The following E4F1 variants were observed in gnomAD, a reference collection of about 807,000 sequenced individuals.
The protein encoded by E4F1 is E4F transcription factor 1, also known as transcription factor E4F1.
Under a neutral mutation model 72.9 loss-of-function variants are expected in E4F1, and 30 were observed. The observed-to-expected ratio is 0.41, with a 90% CI of 0.31 to 0.56. The LOEUF (loss-of-function observed/expected upper bound fraction) is 0.56. Among genes scored for constraint, E4F1 ranks in the 20% least tolerant of loss-of-function variants. The pLI, the probability that E4F1 is intolerant of heterozygous loss-of-function variation, is 0.25. For synonymous variants in E4F1, 542 were observed against 478.2 expected, an observed-to-expected ratio of 1.13 and a Z score of -1.74; for missense variants, 1,091 against 1,117.5, an observed-to-expected ratio of 0.98 and a Z score of 0.34.
intron 9 of E4F1, 45 bp from the exon 10 acceptor site, chr16:2,234,126 G>A (rs766330975): frequency 2.1e-5 from 33 of 1,597,192 alleles, no homozygotes; most frequent in Non-Finnish European, 2.8e-5. Context: ...CGGCCTGGCG[G>A]GCCCGCGGGT....
In E4F1 at chr16:2,233,982, G is replaced by C. The variant is rs929296120; in HGVS notation, c.1367G>C (p.Gly456Ala). The C allele has an allele frequency of 6.3e-7, 1 of 1,592,030 alleles. No individual in the cohort carries two copies. The highest frequency in any genetic ancestry group is 1.3e-5 in the African/African-American group (1 of 74,542). ...TAATLEAHKRGHTGPRPFACA... is the reference protein window; with the variant it reads ...TAATLEAHKRAHTGPRPFACA... Reference sequence around the variant, plus strand: ...GCCACCCTGGAGGCCCACAAGAGGGGCCACACCGGTAGGTGATGGGTGGGT... The same window carrying C: ...GCCACCCTGGAGGCCCACAAGAGGGCCCACACCGGTAGGTGATGGGTGGGT... Residue 456 changes from glycine to alanine, a missense_variant, in exon 9 of 14, where the codon GGC becomes GCC. Gly to Ala is a moderately conservative substitution (Grantham distance 60). Transcript: ENST00000301727.
In E4F1 at chr16:2,233,590, G is replaced by T; in HGVS notation, c.1209G>T (p.Gln403His). ...CTCCTGCTGCCGGGTCCAGTCCCCA[G>T]CCCCTGGCAGTGGCAGCCCCGCAGC... is the stretch of plus-strand genomic sequence containing the variant. ...EPAPAAGSSP[Q>H]PLAVAAPQLP... Residue 403 changes from glutamine to histidine, a missense_variant, in exon 8 of 14, where the codon CAG becomes CAT. Gln to His is a conservative substitution (Grantham distance 24). Transcript: ENST00000301727. The T allele has an allele frequency of 1.3e-6, 2 of 1,510,004 alleles. No individual in the cohort carries two copies. The highest frequency in any genetic ancestry group is 1.8e-6 in the Non-Finnish European group (2 of 1,128,098). 93.5% of individuals were successfully genotyped at this position (1,510,004 alleles called of 1,614,324 possible).
intron 10 of E4F1, 95 bp downstream of exon 10, chr16:2,234,483 T>A: frequency 6.4e-7 from 1 of 1,568,178 alleles, no homozygotes; most frequent in Non-Finnish European, 8.7e-7. Flanking sequence ...TCCACCATGC[T>A]CAGTCTTGAC....
intron 3 of E4F1, chr16:2,231,786 G>A (rs1424269270): frequency 1.4e-5 from 3 of 206,898 alleles, no homozygotes; most frequent in Non-Finnish European, 3.0e-5. Flanking sequence ...ATGTTGGTGG[G>A]AGCAGTGGCA....
intron 1 of E4F1, among the ~76,000 whole-genome samples, chr16:2,225,475 CTTT>C (rs34243234): frequency 7.3e-5 from 10 of 136,986 alleles, no homozygotes; most frequent in Non-Finnish European, 1.1e-4. Flanking sequence ...TCTCTATTTT[CTTT>C]TTTTTTTTTT....
rs1352988261 is a variant in E4F1 at position 2,233,578 on chromosome 16, G to A, written c.1197G>A (p.Gly399=). 3 of 1,506,590 alleles carry A rather than the reference G, an allele frequency of 2.0e-6. No homozygotes were observed. Among genetic ancestry groups the A allele is most frequent in the Non-Finnish European group, 1.8e-6 (2 of 1,126,850 alleles). The allele number at this position is 1,506,590 out of a possible 1,614,324, so 93.3% of individuals were successfully genotyped here. A position where few individuals can be genotyped will look rare whatever the true frequency, so the allele number is the denominator to read the frequency against. Residue 399 remains glycine, a synonymous_variant, in exon 8 of 14, where the codon GGG becomes GGA. Coordinates refer to ENST00000301727, the MANE Select transcript of E4F1 (RefSeq NM_004424.5). ...EGALEPAPAA[G]SSPQPLAVAA... is the part of the protein sequence containing the mutation. ...CCCTGGAGCCAGCTCCTGCTGCCGGGTCCAGTCCCCAGCCCCTGGCAGTGG... is the reference window on the plus strand; with the variant it reads ...CCCTGGAGCCAGCTCCTGCTGCCGGATCCAGTCCCCAGCCCCTGGCAGTGG...
At chr16:2,223,823 G>C in intron 1 of E4F1, 53 bp downstream of exon 1, 1 of 1,532,626 alleles carries the variant, frequency 6.5e-7, no homozygotes, top group South Asian at 1.2e-5. Context: ...TTCATCCCGG[G>C]CTGGCAGAGG....
chr16:2,228,910 C>T (rs1478530843), intron 2 of E4F1, among the ~76,000 whole-genome samples: 1 of 152,208 alleles, frequency 6.6e-6, no homozygotes, highest in East Asian at 1.9e-4. Context: ...CTGGGGGGTC[C>T]CGCCATCTCA....
intron 3 of E4F1, chr16:2,229,882 C>T (rs1304349808): frequency 2.1e-5 from 12 of 559,984 alleles, no homozygotes; most frequent in Admixed American, 6.0e-5. Flanking sequence ...CCACAGTGGC[C>T]GGGGGCACAC....
At position 2,229,814 on chromosome 16, in the gene E4F1, T is replaced by A. The variant is rs952924313; in HGVS notation, c.415+139T>A. On this transcript the variant is annotated intron_variant, in intron 3 of 13. Coordinates refer to ENST00000301727, the MANE Select transcript of E4F1 (RefSeq NM_004424.5). ...GGGGCCGCGGCCTCGTGGCAGCCTTTCTGCGGGCACAGCCTGCAGGAGGAG... is the reference window on the plus strand; with the variant it reads ...GGGGCCGCGGCCTCGTGGCAGCCTTACTGCGGGCACAGCCTGCAGGAGGAG... 8 of 854,490 alleles carry A rather than the reference T, an allele frequency of 9.4e-6. No homozygotes were observed. In the African/African-American group the frequency reaches 1.0e-4, roughly 11 times the overall value. 52.9% of individuals were successfully genotyped at this position (854,490 alleles called of 1,614,324 possible). A position where few individuals can be genotyped will look rare whatever the true frequency, so the allele number is the denominator to read the frequency against.
chr16:2,232,556 G>A lies in E4F1; in HGVS notation c.710G>A (p.Arg237Gln). The A allele has an allele frequency of 1.9e-6, 3 of 1,612,288 alleles. No individual in the cohort carries two copies. Among genetic ancestry groups the A allele is most frequent in the Non-Finnish European group, 2.5e-6 (3 of 1,179,698 alleles). The stretch of plus-strand genomic sequence containing the variant: ...TTCCGCACCAAGGGCTCACTCATCC[G>A]GCACCACCGGCGGCACACGGGTGAG... The part of the protein sequence containing the change: ...ASFRTKGSLI[R>Q]HHRRHTDERP... The change falls in exon 5 of 14, where the codon CGG (arginine) becomes CAG (glutamine). Residue 237 changes from arginine (R) to glutamine (Q), a missense_variant. This residue lies in a region of E4F1 where 362 missense variants were observed against 358.6 expected (regional missense o/e 1.01). Coordinates refer to ENST00000301727, the MANE Select transcript of E4F1 (RefSeq NM_004424.5).
Position 2,223,630 on chromosome 16 carries a change from C to G in E4F1, c.17C>G (p.Ala6Gly). 1.3e-6 allele frequency: 2 copies of G among 1,590,040 alleles called. No homozygotes were observed. Among genetic ancestry groups the G allele is most frequent in the Non-Finnish European group, 1.7e-6 (2 of 1,173,778 alleles). MEGAM[A>G]VRVTAAHTAE... The stretch of plus-strand genomic sequence containing the variant: ...CGTTGCGACATGGAGGGCGCGATGG[C>G]AGTGCGGGTGACGGCCGCTCATACG... Residue 6 changes from alanine to glycine, a missense_variant, in exon 1 of 14, where the codon GCA (alanine) becomes GGA (glycine). Coordinates refer to ENST00000301727, the MANE Select transcript of E4F1 (RefSeq NM_004424.5).
chr16:2,232,097 C>A, intron 3 of E4F1, 74 bp from the exon 4 acceptor site: 3 of 1,575,510 alleles, frequency 1.9e-6, no homozygotes, highest in Non-Finnish European at 2.6e-6. Context: ...AGGTCCCCTC[C>A]CCTGGAGCCA....
At chr16:2,229,288 C>T (rs558422719) in intron 2 of E4F1, among the ~76,000 whole-genome samples, 86 of 152,390 alleles carry the variant, frequency 5.6e-4, no homozygotes, top group Admixed American at 2.7e-3. Flanking sequence ...TTGCTGCTCC[C>T]TCCCTGCAGG....
chr16:2,234,836 C>T (rs2093495330), intron 11 of E4F1, 23 bp from the exon 12 acceptor site: 1 of 1,547,726 alleles, frequency 6.5e-7, no homozygotes, highest in Admixed American at 2.0e-5. Context: ...CTTGCCTAGC[C>T]CTGACCGAGT....
At chr16:2,234,519 G>A (rs540243236) in intron 10 of E4F1, 64 bp from the exon 11 acceptor site, 46 of 1,551,784 alleles carry the variant, frequency 3.0e-5, no homozygotes, top group Admixed American at 7.6e-5. Flanking sequence ...GGCCACAGGC[G>A]GGAGGGGAGA....
intron 5 of E4F1, 70 bp downstream of exon 5, chr16:2,232,646 C>T (rs1026922279): frequency 1.5e-4 from 243 of 1,603,928 alleles, no homozygotes; most frequent in Non-Finnish European, 1.9e-4. Context: ...GCCCCAGCCT[C>T]GCATTCCCCA....
In E4F1 at chr16:2,235,317, GC is replaced by G; in HGVS notation, c.2101del (p.Leu701TrpfsTer19). 1 of 1,610,824 alleles carries G rather than the reference GC, an allele frequency of 6.2e-7. No homozygotes were observed. The highest frequency in any genetic ancestry group is 8.5e-7 in the Non-Finnish European group (1 of 1,179,924). On this transcript the variant is annotated frameshift_variant, in exon 14 of 14. Transcript: ENST00000301727. LOFTEE classifies it high-confidence loss of function. ...ACGTCACCATGGACGAGGAGACGGC[GC>G]TGGGCCCAGAGGCGGCTGCCGCCGA... ...QNVTMDEETALGPEAAAADTI... is the reference protein window; with the variant it reads ...QNVTMDEETAXGPEAAAADTI...
chr16:2,223,905 T>A, intron 1 of E4F1, 135 bp downstream of exon 1: 1 of 1,531,458 alleles, frequency 6.5e-7, no homozygotes, highest in South Asian at 1.2e-5. Context: ...CGCGGGACCC[T>A]CACAGCCCTC....
Sources: gnomAD v4.1 joint callset for allele counts (sites outside exome capture counted in the v4.1 genomes callset) on GRCh38, gnomAD v4.1.1 for gene constraint, gnomAD v4.1.1 regional missense constraint, MANE v1.5 for transcripts, NCBI Gene and HGNC (gene_info 2026-07-23, HGNC 2026-07-21) for gene names.